NAV2: variants seen among roughly 807,000 people sequenced by gnomAD.
NAV2 encodes neuron navigator 2.
NAV2 carries 54 observed loss-of-function variants against 223.2 expected under a neutral mutation model. The ratio of observed to expected loss-of-function variants is 0.24; its 90% CI spans 0.19 to 0.30. NAV2 has a LOEUF of 0.30. Ranked by LOEUF, NAV2 falls within the 10% of genes least tolerant of loss-of-function variation. The probability of loss-of-function intolerance (pLI) is 1.00; values close to 1 mark genes in which losing one functional copy is unlikely to be tolerated. For synonymous variants in NAV2, 1,279 were observed against 1,239.3 expected (o/e 1.03, Z -0.67); for missense variants, 2,806 against 3,147.5 (o/e 0.89, Z 2.60).
intron 6 of NAV2, among the ~76,000 whole-genome samples, chr11:19,907,534 G>T (rs930706947): frequency 1.3e-5 from 2 of 152,104 alleles, no homozygotes; most frequent in African/African-American, 4.8e-5. Context: ...TAGGGGGAGG[G>T]GGAATTTGAG....
intron 1 of NAV2, among the ~76,000 whole-genome samples, chr11:19,406,024 A>G (rs551706180): frequency 7.9e-5 from 12 of 152,344 alleles, no homozygotes; most frequent in African/African-American, 2.9e-4. Context: ...GGGATAATGT[A>G]ATTTGATGCT....
chr11:19,935,851 G>GTTTTTTTTTTTTTTTTTTTTCTT (rs2045814723), intron 7 of NAV2, among the ~76,000 whole-genome samples: 1 of 52,704 alleles, frequency 1.9e-5, no homozygotes, highest in African/African-American at 7.3e-5. Flanking sequence ...TTTTGTTTCT[G>GTTTTTTTTTTTTTTTTTTTTCTT]TTTTTTTTTT....
At position 20,043,972 on chromosome 11, in the gene NAV2, T is replaced by C. The variant is rs771076058; in HGVS notation, c.2908-9T>C. 5.0e-6 allele frequency: 8 copies of C among 1,609,472 alleles called. No individual in the cohort carries two copies. In the Admixed American group the frequency reaches 1.2e-4, roughly 23 times the overall value. On this transcript the variant is annotated splice_polypyrimidine_tract_variant and intron_variant, in intron 12 of 37. Transcript: ENST00000349880. ...GGGAAGGACTAATTCAGAGAGTCTC[T>C]GTCCACAGACTGATGCTGAGAAGCA...
intron 1 of NAV2, among the ~76,000 whole-genome samples, chr11:19,354,381 G>C (rs1853496055): frequency 6.6e-6 from 1 of 152,160 alleles, no homozygotes. Context: ...AAATTTTATT[G>C]AGTTATAATT....
At chr11:19,849,433 G>A (rs2152969520) in intron 3 of NAV2, among the ~76,000 whole-genome samples, 1 of 152,354 alleles carries the variant, frequency 6.6e-6, no homozygotes, top group South Asian at 2.1e-4. Flanking sequence ...CATGAAAGCT[G>A]AAACAGGGGC....
intron 10 of NAV2, among the ~76,000 whole-genome samples, chr11:19,970,083 C>G (rs775017127): frequency 6.6e-6 from 1 of 152,254 alleles, no homozygotes; most frequent in Non-Finnish European, 1.5e-5. Context: ...TTGTACCATA[C>G]TCACCCAATG....
chr11:19,847,262 G>A (rs1469700778), intron 3 of NAV2, among the ~76,000 whole-genome samples: 1 of 152,184 alleles, frequency 6.6e-6, no homozygotes, highest in African/African-American at 2.4e-5. Flanking sequence ...GTGGCAGGGG[G>A]TGGTTTTCTT....
intron 1 of NAV2, among the ~76,000 whole-genome samples, chr11:19,539,652 A>G (rs1047238893): frequency 2.0e-5 from 3 of 152,134 alleles, no homozygotes; most frequent in African/African-American, 7.2e-5. Context: ...AAAAGATTGA[A>G]GGCCACTGAG....
chr11:19,412,362 G>C (rs1333537927), intron 1 of NAV2, among the ~76,000 whole-genome samples: 1 of 152,220 alleles, frequency 6.6e-6, no homozygotes, highest in African/African-American at 2.4e-5. Context: ...TAGCCAGACT[G>C]CCTCTCTAGA....
At chr11:19,360,075 T>A (rs149226478) in intron 1 of NAV2, among the ~76,000 whole-genome samples, 3 of 152,340 alleles carry the variant, frequency 2.0e-5, no homozygotes, top group African/African-American at 7.2e-5. Flanking sequence ...GCCTAGAAAC[T>A]GACAAAGACT....
chr11:20,118,430 C>T lies in NAV2; in HGVS notation c.*172C>T. 1 of 694,204 alleles carries T rather than the reference C, an allele frequency of 1.4e-6. No individual in the cohort carries two copies. Among genetic ancestry groups the T allele is most frequent in the Non-Finnish European group, 2.5e-6 (1 of 403,632 alleles). 43.0% of individuals were successfully genotyped at this position (694,204 alleles called of 1,614,324 possible). Reference sequence around the variant, plus strand: ...CGACCTGGGTGCAGGCATCCCGGGCCAGCTGCCTGCGGACCGCTTCCTTCC... The same window carrying T: ...CGACCTGGGTGCAGGCATCCCGGGCTAGCTGCCTGCGGACCGCTTCCTTCC... On this transcript the variant is annotated 3_prime_UTR_variant, in exon 38 of 38. Coordinates refer to ENST00000349880, the MANE Select transcript of NAV2 (RefSeq NM_145117.5).
intron 22 of NAV2, among the ~76,000 whole-genome samples, chr11:20,076,634 C>T (rs1004206293): frequency 1.3e-5 from 2 of 152,168 alleles, no homozygotes; most frequent in Admixed American, 6.5e-5. Context: ...TAATATATCA[C>T]CTACTACTCT....
intron 1 of NAV2, among the ~76,000 whole-genome samples, chr11:19,625,397 T>TA (rs1183537199): frequency 3.9e-5 from 6 of 152,252 alleles, no homozygotes; most frequent in African/African-American, 1.4e-4. Context: ...ATTTCTTTTT[T>TA]ATGGCTGAAT....
intron 34 of NAV2, chr11:20,104,396 C>T (rs1565083253): frequency 1.3e-5 from 2 of 152,642 alleles, no homozygotes; most frequent in African/African-American, 4.8e-5. Flanking sequence ...GAAGGTGTCT[C>T]CTGGGCTAGG....
intron 5 of NAV2, among the ~76,000 whole-genome samples, chr11:19,887,197 G>T (rs1448989379): frequency 2.0e-5 from 3 of 152,110 alleles, no homozygotes; most frequent in Non-Finnish European, 4.4e-5. Context: ...CACTTTGATG[G>T]GCACCAGGGG....
chr11:20,037,610 G>A (rs535728314), intron 12 of NAV2, among the ~76,000 whole-genome samples: 14 of 152,296 alleles, frequency 9.2e-5, no homozygotes, highest in African/African-American at 3.4e-4. Context: ...GGGGCCATGG[G>A]TAATGCTCTG....
At chr11:19,549,346 G>C (rs2044614457) in intron 1 of NAV2, among the ~76,000 whole-genome samples, 1 of 152,222 alleles carries the variant, frequency 6.6e-6, no homozygotes, top group Non-Finnish European at 1.5e-5. Context: ...CACGAAGAGA[G>C]GTTGGCGTCC....
Position 19,482,260 on chromosome 11 carries a change from G to A in NAV2, c.75+131233G>A, listed in dbSNP as rs527869424. Among the ~76,000 whole-genome samples the A allele has an allele frequency of 7.9e-5, 12 of 152,268 alleles. No individual in the cohort carries two copies. In the East Asian group the frequency reaches 1.9e-3, roughly 24 times the overall value. ...CATCTACGTTCCCTACAAAAAGGAAGACATCAGCTCCAGGATCAACTGCAA... is the reference window on the plus strand; with the variant it reads ...CATCTACGTTCCCTACAAAAAGGAAAACATCAGCTCCAGGATCAACTGCAA... On this transcript the variant is annotated intron_variant, in intron 1 of 37. Coordinates refer to the NAV2 transcript ENST00000360655.
intron 5 of NAV2, 33 bp downstream of exon 5, chr11:19,880,160 T>G: frequency 6.5e-7 from 1 of 1,527,262 alleles, no homozygotes. Context: ...TGGTTCTGTT[T>G]TTCAGGCACC....
Sources: allele counts gnomAD v4.1 joint callset (sites outside exome capture counted in the v4.1 genomes callset), GRCh38; gene constraint gnomAD v4.1.1; transcripts MANE v1.5; gene names NCBI Gene and HGNC (gene_info 2026-07-23, HGNC 2026-07-21).